KSR2: variants seen among roughly 807,000 people sequenced by gnomAD.
KSR2 encodes the protein kinase suppressor of ras 2.
A neutral mutation model predicts 107.8 loss-of-function variants in KSR2; 25 were observed. The ratio of observed to expected loss-of-function variants is 0.23; its 90% confidence interval spans 0.17 to 0.32. The LOEUF is 0.32. KSR2 is among the 10% of genes least tolerant of loss of function. The pLI, the probability that KSR2 is intolerant of heterozygous loss-of-function variation, is 1.00. For missense variants in KSR2, 887 were observed against 1,268.9 expected, an observed-to-expected ratio of 0.70 and a Z score of 4.57; for synonymous variants, 480 against 507.0, an observed-to-expected ratio of 0.95 and a Z score of 0.71.
intron 14 of KSR2, among the ~76,000 whole-genome samples, chr12:117,506,026 A>C (rs1343065641): frequency 6.6e-6 from 1 of 152,182 alleles, no homozygotes; most frequent in Non-Finnish European, 1.5e-5. Flanking sequence ...TGTCTTATAA[A>C]GCCCCGCAGC....
At chr12:117,522,727 C>A (rs553295384) in intron 14 of KSR2, among the ~76,000 whole-genome samples, 2 of 152,176 alleles carry the variant, frequency 1.3e-5, no homozygotes, top group South Asian at 2.1e-4. Flanking sequence ...AACCTGAGAC[C>A]GCCATGAGAA....
At chr12:117,547,691 G>T (rs1387513560) in intron 9 of KSR2, among the ~76,000 whole-genome samples, 1 of 152,106 alleles carries the variant, frequency 6.6e-6, no homozygotes, top group African/African-American at 2.4e-5. Context: ...CCTTTCCTGG[G>T]CCTTTGACTA....
intron 1 of KSR2, among the ~76,000 whole-genome samples, chr12:117,954,150 T>C (rs1896441434): frequency 6.6e-6 from 1 of 152,110 alleles, no homozygotes; most frequent in Non-Finnish European, 1.5e-5. Flanking sequence ...AAAATTGATT[T>C]AAGAAAATCA....
At chr12:117,800,387 C>G (rs7952860) in intron 3 of KSR2, among the ~76,000 whole-genome samples, 65,374 of 151,794 alleles carry the variant, frequency 0.43, 14,390 homozygotes, top group Admixed American at 0.53. Flanking sequence ...TCTGCCCCCC[C>G]CAAAGCCTAA....
intron 1 of KSR2, among the ~76,000 whole-genome samples, chr12:117,914,918 G>A (rs551845719): frequency 1.3e-5 from 2 of 152,328 alleles, no homozygotes; most frequent in South Asian, 4.1e-4. Flanking sequence ...AACTATGAAA[G>A]ACTGTAGGGA....
intron 1 of KSR2, chr12:117,890,815 A>C (rs1251811013): frequency 6.6e-6 from 1 of 152,174 alleles, no homozygotes; most frequent in African/African-American, 2.4e-5. Context: ...ATAACATTAG[A>C]CTGGGAGTCA....
intron 5 of KSR2, among the ~76,000 whole-genome samples, chr12:117,588,178 A>C (rs1246921676): frequency 1.3e-5 from 2 of 152,134 alleles, no homozygotes; most frequent in Non-Finnish European, 2.9e-5. Flanking sequence ...ATTTTTCAGA[A>C]GCCAACAGAG....
intron 3 of KSR2, among the ~76,000 whole-genome samples, chr12:117,788,655 C>G (rs1306614846): frequency 6.6e-6 from 1 of 152,124 alleles, no homozygotes; most frequent in Admixed American, 6.6e-5. Flanking sequence ...GTGCGTATGA[C>G]CACGCCTGGC....
chr12:117,654,464 C>A (rs935407206), intron 5 of KSR2, among the ~76,000 whole-genome samples: 2 of 152,172 alleles, frequency 1.3e-5, no homozygotes, highest in African/African-American at 2.4e-5. Context: ...GCGGGCACCA[C>A]CCGAAAGTGC....
At position 117,489,837 on chromosome 12, in the gene KSR2, T is replaced by C. The variant is rs116287903; in HGVS notation, c.2220-4146A>G. Among the ~76,000 whole-genome samples the C allele has an allele frequency of 9.2e-3, 1,405 of 152,288 alleles. 24 individuals carry two copies. Among genetic ancestry groups the C allele is most frequent in the South Asian group, 0.029 (140 of 4,824 alleles). ...GCAGGCCTCAGGCAGATGTCCAGGA[T>C]GACTGAGGCTAGGGCGGCCCCGGCA... On this transcript the variant is annotated intron_variant, in intron 14 of 19. Coordinates refer to ENST00000339824, the MANE Select transcript of KSR2 (RefSeq NM_173598.6).
chr12:117,528,165 G>T (rs1018380561), intron 12 of KSR2, among the ~76,000 whole-genome samples: 14 of 152,256 alleles, frequency 9.2e-5, no homozygotes, highest in African/African-American at 3.4e-4. Context: ...CACACAGGAT[G>T]TTGAGGGGGA....
intron 14 of KSR2, among the ~76,000 whole-genome samples, chr12:117,489,136 C>G (rs2137150869): frequency 6.6e-6 from 1 of 151,312 alleles, no homozygotes; most frequent in East Asian, 1.9e-4. Context: ...AAAGTCGGCA[C>G]AGTGATGGCC....
intron 1 of KSR2, among the ~76,000 whole-genome samples, chr12:117,870,285 G>A (rs1202316216): frequency 6.6e-6 from 1 of 152,088 alleles, no homozygotes. Context: ...ACCTTTCCTC[G>A]CAGGCCTGCT....
chr12:117,583,955 G>A (rs914520117), intron 5 of KSR2, among the ~76,000 whole-genome samples: 7 of 152,210 alleles, frequency 4.6e-5, no homozygotes, highest in African/African-American at 1.7e-4. Flanking sequence ...AGCCGGGCAT[G>A]TCAGAACCTA....
intron 4 of KSR2, among the ~76,000 whole-genome samples, chr12:117,675,182 G>A (rs982440960): frequency 2.0e-5 from 3 of 152,184 alleles, no homozygotes; most frequent in African/African-American, 7.2e-5. Flanking sequence ...GTTACCAGAG[G>A]AATGTCTGTC....
intron 14 of KSR2, among the ~76,000 whole-genome samples, chr12:117,491,481 G>T (rs1209145437): frequency 6.6e-6 from 1 of 152,132 alleles, no homozygotes; most frequent in African/African-American, 2.4e-5. Context: ...CCCCTGGCTG[G>T]TATTTGTCTT....
chr12:117,669,572 A>T (rs548234343), intron 4 of KSR2, among the ~76,000 whole-genome samples: 1,178 of 62,854 alleles, frequency 0.019, 17 homozygotes, highest in African/African-American at 0.037. Context: ...TGCTAAAATT[A>T]AAAAAAAAAA....
In KSR2 at chr12:117,880,975, A is replaced by ATT. The variant is rs58189046; in HGVS notation, c.181-20546_181-20545dup. On this transcript the variant is annotated intron_variant, in intron 1 of 19. Coordinates refer to ENST00000339824, the MANE Select transcript of KSR2 (RefSeq NM_173598.6). ...GTGAGCCACCATGCCTGGTCTTTTT[A>ATT]TTTTTTTTTTTATGGCAGAGTCTCA... is the stretch of plus-strand genomic sequence containing the variant. Among the ~76,000 whole-genome samples the ATT allele has an allele frequency of 5.4e-3, 794 of 146,558 alleles. 7 individuals are homozygous for ATT. Among genetic ancestry groups the ATT allele is most frequent in the Non-Finnish European group, 8.9e-3 (586 of 65,986 alleles).
intron 3 of KSR2, among the ~76,000 whole-genome samples, chr12:117,810,914 T>C (rs999670307): frequency 1.3e-5 from 2 of 152,134 alleles, no homozygotes; most frequent in African/African-American, 4.8e-5. Flanking sequence ...ATGAGAATGA[T>C]GATTGTGGGA....
Sources: gnomAD v4.1 joint callset for allele counts (sites outside exome capture counted in the v4.1 genomes callset) on GRCh38, gnomAD v4.1.1 for gene constraint, MANE v1.5 for transcripts, NCBI Gene and HGNC (gene_info 2026-07-23, HGNC 2026-07-21) for gene names.